Variants in SEMA3A observed in about 807,000 individuals in gnomAD.
The protein encoded by SEMA3A is semaphorin-3A.
Under a neutral mutation model 97.9 loss-of-function variants are expected in SEMA3A, and 29 were observed. The observed-to-expected ratio is 0.30, with a 90% CI of 0.22 to 0.40. The LOEUF (loss-of-function observed/expected upper bound fraction) is 0.40. Among genes scored for constraint, SEMA3A ranks in the 10% least tolerant of loss-of-function variants. SEMA3A has a pLI of 1.00. For missense variants in SEMA3A, 763 were observed against 951.3 expected (o/e 0.80, Z 2.60); for synonymous variants, 321 against 323.7 (o/e 0.99, Z 0.09).
chr7:84,234,076 T>A (rs1799178528), intron 3 of SEMA3A, among the ~76,000 whole-genome samples: 1 of 151,978 alleles, frequency 6.6e-6, no homozygotes, highest in African/African-American at 2.4e-5. Flanking sequence ...ATAAAAGATG[T>A]CAATAGGAAC....
intron 4 of SEMA3A, among the ~76,000 whole-genome samples, chr7:84,109,472 T>C (rs1310603096): frequency 6.6e-6 from 1 of 152,152 alleles, no homozygotes; most frequent in African/African-American, 2.4e-5. Context: ...CCACATAATC[T>C]CTAAGGTGCT....
chr7:83,989,665 G>A lies in SEMA3A; in HGVS notation c.1453-4188C>T, dbSNP rs200849031. Among the ~76,000 whole-genome samples, 47 of 128,954 alleles carry A rather than the reference G, an allele frequency of 3.6e-4. No individual in the cohort carries two copies. The East Asian group carries it at 0.01, about 28-fold the overall frequency. 84.6% of individuals were successfully genotyped at this position (128,954 alleles called of 152,430 possible). On this transcript the variant is annotated intron_variant, in intron 12 of 16. Coordinates refer to ENST00000265362, the MANE Select transcript of SEMA3A (RefSeq NM_006080.3). ...CATGAACTCATCATTTTTTATGGCTGCATAGTATTCCATGGTGTATATGTG... is the reference window on the plus strand; with the variant it reads ...CATGAACTCATCATTTTTTATGGCTACATAGTATTCCATGGTGTATATGTG...
chr7:84,008,505 A>G (rs1032919574), intron 9 of SEMA3A, among the ~76,000 whole-genome samples: 24 of 97,390 alleles, frequency 2.5e-4, no homozygotes, highest in Non-Finnish European at 4.5e-4. Context: ...AAAAAAAAAA[A>G]AAAGAAAGAA....
At chr7:84,193,764 A>G (rs1798123255) in intron 1 of SEMA3A, among the ~76,000 whole-genome samples, 1 of 152,296 alleles carries the variant, frequency 6.6e-6, no homozygotes, top group African/African-American at 2.4e-5. Context: ...TCTTTAATTT[A>G]TACTTTTCAA....
At position 84,129,117 on chromosome 7, in the gene SEMA3A, G is replaced by A; in HGVS notation, c.333+6C>T. The A allele has an allele frequency of 1.9e-6, 3 of 1,602,874 alleles. No individual in the cohort carries two copies. In the Admixed American group the frequency reaches 5.0e-5, roughly 27 times the overall value. The stretch of plus-strand genomic sequence containing the variant: ...CTGTATAATAATTTAGTAGGTTAAT[G>A]CTTACCAGGATGTCTTTTCCAGCCC... On this transcript the variant is annotated splice_donor_region_variant and intron_variant, in intron 3 of 16. Transcript: ENST00000265362.
At chr7:84,491,613 T>C (rs1181901464) in intron 1 of SEMA3A, among the ~76,000 whole-genome samples, 1 of 152,078 alleles carries the variant, frequency 6.6e-6, no homozygotes, top group East Asian at 1.9e-4. Flanking sequence ...TCAGAATATA[T>C]GGTAGAGTAG....
At chr7:84,422,662 A>C (rs942398374) in intron 1 of SEMA3A, among the ~76,000 whole-genome samples, 5 of 152,050 alleles carry the variant, frequency 3.3e-5, no homozygotes, top group Non-Finnish European at 1.5e-5. Context: ...AGTGCTATAA[A>C]TTACCTTCTA....
At chr7:84,085,070 A>G (rs1475734947) in intron 4 of SEMA3A, among the ~76,000 whole-genome samples, 1 of 134,312 alleles carries the variant, frequency 7.4e-6, no homozygotes, top group Non-Finnish European at 1.6e-5. Flanking sequence ...ATGGTAAGAG[A>G]ATTTTTTTTT....
chr7:84,281,020 C>T (rs1377055341), intron 3 of SEMA3A, among the ~76,000 whole-genome samples: 1 of 152,090 alleles, frequency 6.6e-6, no homozygotes, highest in African/African-American at 2.4e-5. Context: ...GGCTCCTTGC[C>T]ACCTCCTTTA....
chr7:84,312,070 A>G (rs1446539481), intron 2 of SEMA3A, among the ~76,000 whole-genome samples: 1 of 151,886 alleles, frequency 6.6e-6, no homozygotes, highest in African/African-American at 2.4e-5. Flanking sequence ...CCTCTAACAC[A>G]GGCTGAAAAT....
intron 1 of SEMA3A, among the ~76,000 whole-genome samples, chr7:84,138,648 C>T (rs2116062286): frequency 6.6e-6 from 1 of 152,164 alleles, no homozygotes; most frequent in Non-Finnish European, 1.5e-5. Context: ...ACTTTCCTGG[C>T]ATATGTGTTA....
At chr7:84,154,254 G>A (rs1360247830) in intron 1 of SEMA3A, among the ~76,000 whole-genome samples, 1 of 151,986 alleles carries the variant, frequency 6.6e-6, no homozygotes, top group Non-Finnish European at 1.5e-5. Context: ...GAGTAAAGCT[G>A]GGATGCCAAA....
intron 2 of SEMA3A, among the ~76,000 whole-genome samples, chr7:84,357,276 C>G (rs1448040923): frequency 6.7e-6 from 1 of 148,674 alleles, no homozygotes; most frequent in African/African-American, 2.5e-5. Flanking sequence ...CTATGCCTCC[C>G]CGCCCCACCC....
intron 6 of SEMA3A, among the ~76,000 whole-genome samples, chr7:84,035,028 C>G (rs2073063655): frequency 6.6e-6 from 1 of 151,970 alleles, no homozygotes; most frequent in South Asian, 2.1e-4. Flanking sequence ...CATAAAATAA[C>G]TATCAGAAAA....
At chr7:84,023,178 G>A (rs1791390456) in intron 6 of SEMA3A, among the ~76,000 whole-genome samples, 1 of 152,162 alleles carries the variant, frequency 6.6e-6, no homozygotes, top group African/African-American at 2.4e-5. Flanking sequence ...TAATGAAAAT[G>A]ACACCTTGGC....
chr7:84,380,158 A>C (rs1309759884), intron 1 of SEMA3A, among the ~76,000 whole-genome samples: 5 of 152,180 alleles, frequency 3.3e-5, no homozygotes, highest in Non-Finnish European at 2.9e-5. Flanking sequence ...CATCATAACA[A>C]AGTATCATAA....
intron 2 of SEMA3A, among the ~76,000 whole-genome samples, chr7:84,307,698 C>A (rs1297520550): frequency 6.6e-6 from 1 of 152,132 alleles, no homozygotes; most frequent in Non-Finnish European, 1.5e-5. Context: ...ACACTGACAA[C>A]CCAGCTAAGC....
At chr7:84,166,975 T>C (rs1797231878) in intron 1 of SEMA3A, among the ~76,000 whole-genome samples, 1 of 73,354 alleles carries the variant, frequency 1.4e-5, no homozygotes, top group African/African-American at 4.1e-5. Flanking sequence ...GTGCCTATTT[T>C]GCTAGAAGAG....
At chr7:84,324,607 C>T (rs1801729326) in intron 2 of SEMA3A, among the ~76,000 whole-genome samples, 1 of 152,172 alleles carries the variant, frequency 6.6e-6, no homozygotes, top group South Asian at 2.1e-4. Context: ...TAAACTAGAA[C>T]TCTAGATAAC....
Sources: gnomAD v4.1 joint callset for allele counts (sites outside exome capture counted in the v4.1 genomes callset) on GRCh38, gnomAD v4.1.1 for gene constraint, MANE v1.5 for transcripts, NCBI Gene and HGNC (gene_info 2026-07-23, HGNC 2026-07-21) for gene names.